CCDC66: variants seen among roughly 807,000 people sequenced by gnomAD.
CCDC66 encodes the protein coiled-coil domain-containing protein 66.
A neutral mutation model predicts 128.3 loss-of-function variants in CCDC66; 133 were observed. The ratio of observed to expected loss-of-function variants is 1.04; its 90% CI spans 0.90 to 1.20. The LOEUF is 1.20. Ranked by LOEUF, CCDC66 falls within the 50% of genes most tolerant of loss-of-function variation. The pLI, the probability that CCDC66 is intolerant of heterozygous loss-of-function variation, is 0.00. For missense variants in CCDC66, 1,126 were observed against 1,075.5 expected (o/e 1.05, Z -0.66); for synonymous variants, 387 against 357.0 (o/e 1.08, Z -0.95).
intron 14 of CCDC66, 118 bp downstream of exon 14, chr3:56,617,723 A>T (rs766407855): frequency 3.8e-5 from 49 of 1,276,602 alleles, no homozygotes; most frequent in Non-Finnish European, 4.9e-5. Flanking sequence ...AGGGATCAGC[A>T]AACTATATCC....
At chr3:56,560,998 T>C (rs562002393) in intron 3 of CCDC66, 7 of 451,764 alleles carry the variant, frequency 1.5e-5, no homozygotes, top group African/African-American at 6.0e-5. Context: ...ACCCGAAATA[T>C]CACTCAATAA....
At position 56,621,773 on chromosome 3, in the gene CCDC66, G is replaced by T. The variant is rs1578169589; in HGVS notation, c.*155G>T. ...TACTATGTAGTAAAATGCTGTACTT[G>T]TTCTATACAATAAAACAGATACTTC... is the stretch of plus-strand genomic sequence containing the variant. On this transcript the variant is annotated 3_prime_UTR_variant, in exon 18 of 18. Transcript: ENST00000394672. The T allele has an allele frequency of 1.3e-4, 26 of 207,744 alleles. No homozygotes were observed. The highest frequency in any genetic ancestry group is 2.1e-4 in the East Asian group (2 of 9,546). 12.9% of individuals were successfully genotyped at this position (207,744 alleles called of 1,614,324 possible). A position where few individuals can be genotyped will look rare whatever the true frequency, so the allele number is the denominator to read the frequency against.
intron 10 of CCDC66, among the ~76,000 whole-genome samples, chr3:56,603,865 T>C (rs1477514059): frequency 6.6e-6 from 1 of 152,076 alleles, no homozygotes; most frequent in African/African-American, 2.4e-5. Flanking sequence ...CTCATTGATC[T>C]GTCTGATATT....
chr3:56,557,630 C>T lies in CCDC66; in HGVS notation c.11+377C>T, dbSNP rs6766378. ...GCCCATGCCCCGGGTTCTTCGCCAC[C>T]TTGTTTTTGGAGTCTTGCAGAATGT... On this transcript the variant is annotated intron_variant, in intron 1 of 17. Transcript: ENST00000394672. 6.3e-3 allele frequency: 1,565 copies of T among 248,898 alleles called. 32 individuals carry two copies. The highest frequency in any genetic ancestry group is 0.031 in the African/African-American group (1,388 of 44,680). The allele number at this position is 248,898 out of a possible 1,614,324, so 15.4% of individuals were successfully genotyped here.
In CCDC66 at chr3:56,619,396, A is replaced by T. The variant is rs61747991; in HGVS notation, c.2504A>T (p.Glu835Val). 79,797 of 1,613,320 alleles carry T rather than the reference A, an allele frequency of 0.049. 2,219 individuals carry two copies. The highest frequency in any genetic ancestry group is 0.098 in the East Asian group (4,405 of 44,852). ...TTGATCTCAGGAAGTAATCAAACAG[A>T]ATTATCATCTGGGATTTCTGAATCA... ...ENLISGSNQT[E>V]LSSGISESSH... Residue 835 changes from glutamate to valine, a missense_variant, in exon 16 of 18, where the codon GAA becomes GTA. Coordinates refer to ENST00000394672, the MANE Select transcript of CCDC66 (RefSeq NM_001141947.3).
In CCDC66 at chr3:56,615,235, G is replaced by C; in HGVS notation, c.1674G>C (p.Lys558Asn). 6.2e-7 allele frequency: 1 copy of C among 1,614,048 alleles called. No individual in the cohort carries two copies. The highest frequency in any genetic ancestry group is 8.5e-7 in the Non-Finnish European group (1 of 1,179,964). Residue 558 changes from lysine to asparagine, a missense_variant, in exon 12 of 18, where the codon AAG becomes AAC. By Grantham distance (94) the Lys-to-Asn change is moderately conservative (BLOSUM62 0). Coordinates refer to ENST00000394672, the MANE Select transcript of CCDC66 (RefSeq NM_001141947.3). ...QEQRIRELAQ[K>N]GHDTSRLIKN... ...AAAGAATCCGAGAATTGGCGCAAAA[G>C]GGACATGACACTTCTAGACTGATTA...
chr3:56,613,723 A>C lies in CCDC66; in HGVS notation c.1539A>C (p.Glu513Asp), dbSNP rs747981650. Reference protein sequence around the residue: ...EREEMQKQYEEDILKQKQKEE... With the variant: ...EREEMQKQYEDDILKQKQKEE... ...AAGAGATGCAGAAACAGTATGAAGA[A>C]GACATACTTAAGCAAAAACAAAAGG... is the stretch of plus-strand genomic sequence containing the variant. The change falls in exon 11 of 18, where the codon GAA becomes GAC. Residue 513 changes from glutamate to aspartate, a missense_variant. Coordinates refer to ENST00000394672, the MANE Select transcript of CCDC66 (RefSeq NM_001141947.3). 5 of 1,609,858 alleles carry C rather than the reference A, an allele frequency of 3.1e-6. No individual in the cohort carries two copies. Among genetic ancestry groups the C allele is most frequent in the Non-Finnish European group, 4.2e-6 (5 of 1,178,648 alleles).
intron 10 of CCDC66, among the ~76,000 whole-genome samples, chr3:56,611,106 A>G (rs1422104448): frequency 6.6e-6 from 1 of 152,042 alleles, no homozygotes; most frequent in Non-Finnish European, 1.5e-5. Context: ...GAGAGGGACC[A>G]GCCATGGTGA....
At chr3:56,572,240 G>C in intron 7 of CCDC66, 1 of 570,310 alleles carries the variant, frequency 1.8e-6, no homozygotes, top group Non-Finnish European at 3.0e-6. Context: ...AGTGTGTCTT[G>C]TGTAGTGCTT....
Position 56,619,389 on chromosome 3 carries a change from C to CA in CCDC66, c.2500dup (p.Thr834AsnfsTer9). 1 of 1,613,868 alleles carries CA rather than the reference C, an allele frequency of 6.2e-7. No homozygotes were observed. The highest frequency in any genetic ancestry group is 1.1e-5 in the South Asian group (1 of 91,070). ...AGAGAATTTGATCTCAGGAAGTAAT[C>CA]AAACAGAATTATCATCTGGGATTTC... On this transcript the variant is annotated frameshift_variant, in exon 16 of 18. Transcript: ENST00000394672. LOFTEE classifies it high-confidence loss of function.
chr3:56,577,731 A>C (rs10865998), intron 7 of CCDC66, among the ~76,000 whole-genome samples: 53,608 of 151,328 alleles, frequency 0.35, 10,559 homozygotes, highest in East Asian at 0.54. Context: ...ATGGTTGTAG[A>C]TGTGTGGTGT....
intron 4 of CCDC66, 72 bp downstream of exon 4, chr3:56,564,197 G>C (rs2065481702): frequency 8.7e-7 from 1 of 1,147,150 alleles, no homozygotes; most frequent in Non-Finnish European, 1.2e-6. Flanking sequence ...GATTCATTGG[G>C]TTTTATGTAA....
At position 56,582,587 on chromosome 3, in the gene CCDC66, AGTATG is replaced by A. The variant is rs2068591546; in HGVS notation, c.937-10382_937-10378del. Among the ~76,000 whole-genome samples the A allele has an allele frequency of 2.0e-5, 3 of 151,800 alleles. No homozygotes were observed. The South Asian group carries it at 6.2e-4, about 31-fold the overall frequency. On this transcript the variant is annotated intron_variant, in intron 7 of 17. Transcript: ENST00000394672. ...ATTGTTCTTTATTGGTATATAGATT[AGTATG>A]TAGAAACACAACTTATTTTTGTGTG...
chr3:56,579,462 T>C (rs1051935005), intron 7 of CCDC66, among the ~76,000 whole-genome samples: 1 of 151,832 alleles, frequency 6.6e-6, no homozygotes, highest in Admixed American at 6.6e-5. Context: ...CTTTTGAATG[T>C]GTTTGCTCTT....
rs2075331214 is a variant in CCDC66, at chr3:56,615,176, G to A, written c.1615G>A (p.Ala539Thr). ...TNELFQTMQR[A>T]QELAQRLKQE... ...TGAGCTATTCCAGACAATGCAGCGA[G>A]CACAGGAACTGGCACAGAGACTAAA... Residue 539 changes from alanine to threonine, a missense_variant, in exon 12 of 18, where the codon GCA becomes ACA. Ala to Thr is a moderately conservative substitution (Grantham distance 58). Transcript: ENST00000394672. 1 of 1,614,020 alleles carries A rather than the reference G, an allele frequency of 6.2e-7. No homozygotes were observed. Among genetic ancestry groups the A allele is most frequent in the South Asian group, 1.1e-5 (1 of 91,060 alleles).
intron 10 of CCDC66, among the ~76,000 whole-genome samples, chr3:56,594,283 A>G: frequency 6.8e-6 from 1 of 146,782 alleles, no homozygotes; most frequent in South Asian, 2.1e-4. Context: ...GTGTTGTCTT[A>G]GGTTAGTACT....
rs375865006 is a variant in CCDC66 at position 56,619,287 on chromosome 3, G to C, written c.2395G>C (p.Val799Leu). The change falls in exon 16 of 18, where the codon GTT becomes CTT. Residue 799 changes from valine (V) to leucine (L), a missense_variant. Transcript: ENST00000394672. ...TTTAAATAGGTCTCCATCATCACCAGTTCCAGTAGTGAAAAACAGAACCCA... is the reference window on the plus strand; with the variant it reads ...TTTAAATAGGTCTCCATCATCACCACTTCCAGTAGTGAAAAACAGAACCCA... ...FSKERSPSSP[V>L]PVVKNRTQQT... 1.2e-6 allele frequency: 2 copies of C among 1,606,920 alleles called. No homozygotes were observed. The highest frequency in any genetic ancestry group is 1.7e-6 in the Non-Finnish European group (2 of 1,176,846).
intron 7 of CCDC66, among the ~76,000 whole-genome samples, chr3:56,578,057 A>G (rs2067688286): frequency 6.6e-6 from 1 of 151,822 alleles, no homozygotes. Context: ...ATGAGTATGC[A>G]ATGTTTTTCC....
In CCDC66 at chr3:56,619,865, G is replaced by C; in HGVS notation, c.2724G>C (p.Gln908His). 1 of 1,614,080 alleles carries C rather than the reference G, an allele frequency of 6.2e-7. No individual in the cohort carries two copies. The highest frequency in any genetic ancestry group is 1.1e-5 in the South Asian group (1 of 91,074). The change falls in exon 17 of 18, where the codon CAG becomes CAC. Residue 908 changes from glutamine to histidine, a missense_variant. Gln to His is a conservative substitution (Grantham distance 24). Transcript: ENST00000394672. Reference protein sequence around the residue: ...NPNMVKNRDRQQAILKGLSEL... With the variant: ...NPNMVKNRDRHQAILKGLSEL... ...ACATGGTGAAAAATAGGGATCGACA[G>C]CAAGCAATCCTTAAGGGACTTTCAG...
Sources: gnomAD v4.1 joint callset for allele counts (sites outside exome capture counted in the v4.1 genomes callset) on GRCh38, gnomAD v4.1.1 for gene constraint, MANE v1.5 for transcripts, NCBI Gene and HGNC (gene_info 2026-07-23, HGNC 2026-07-21) for gene names.